Variants in CC2D2B observed in about 807,000 individuals in gnomAD.
The protein encoded by CC2D2B is protein CC2D2B.
Under a neutral mutation model 161.2 loss-of-function variants are expected in CC2D2B, and 128 were observed. The observed-to-expected ratio is 0.79, with a 90% CI of 0.69 to 0.92. The LOEUF is 0.92. CC2D2B is among the 40% of genes least tolerant of loss of function. CC2D2B has a pLI of 0.00. For missense variants in CC2D2B, 1,173 were observed against 1,375.1 expected, an observed-to-expected ratio of 0.85 and a Z score of 2.32; for synonymous variants, 391 against 449.8, an observed-to-expected ratio of 0.87 and a Z score of 1.65.
chr10:95,996,212 T>G lies in CC2D2B; in HGVS notation c.2809T>G (p.Ser937Ala), dbSNP rs2078224544. ...ATACAAAACCAATACAGCAAGTGGA[T>G]CTCATCCATGCTGGAATGAAGAAAT... ...TVYKTNTASG[S>A]HPCWNEEIKV... Residue 937 changes from serine to alanine, a missense_variant, in exon 24 of 35, where the codon TCT becomes GCT. Transcript: ENST00000646931. 1.3e-6 allele frequency: 2 copies of G among 1,516,542 alleles called. No homozygotes were observed. The highest frequency in any genetic ancestry group is 2.7e-5 in the African/African-American group (2 of 72,772). 93.9% of individuals were successfully genotyped at this position (1,516,542 alleles called of 1,614,324 possible).
At chr10:96,005,144 A>G (rs1335147687) in intron 25 of CC2D2B, among the ~76,000 whole-genome samples, 1 of 152,210 alleles carries the variant, frequency 6.6e-6, no homozygotes, top group African/African-American at 2.4e-5. Flanking sequence ...TAGTGTTTTG[A>G]TGATCGAAAT....
intron 26 of CC2D2B, among the ~76,000 whole-genome samples, chr10:96,011,325 G>T (rs946222913): frequency 2.0e-5 from 3 of 152,196 alleles, no homozygotes; most frequent in Non-Finnish European, 4.4e-5. Context: ...TACAGTGGTA[G>T]GTAAGAGTGT....
chr10:95,972,966 GT>G (rs1364479500), intron 16 of CC2D2B, among the ~76,000 whole-genome samples: 1 of 152,136 alleles, frequency 6.6e-6, no homozygotes, highest in African/African-American at 2.4e-5. Context: ...TCTGTTAGTT[GT>G]TTTTCAATTG....
intron 34 of CC2D2B, among the ~76,000 whole-genome samples, chr10:96,029,286 GTATATATAT>G (rs2079951101): frequency 4.2e-5 from 3 of 70,640 alleles, no homozygotes; most frequent in African/African-American, 8.5e-5. Flanking sequence ...ATATATATAT[GTATATATAT>G]ATATATATAT....
chr10:95,951,977 A>G (rs901466601), intron 10 of CC2D2B, among the ~76,000 whole-genome samples: 3 of 152,166 alleles, frequency 2.0e-5, no homozygotes, highest in African/African-American at 7.2e-5. Flanking sequence ...TGTGCTTGGA[A>G]GTGTGCATAA....
intron 25 of CC2D2B, among the ~76,000 whole-genome samples, chr10:96,006,641 A>G (rs1369856214): frequency 4.6e-5 from 7 of 152,156 alleles, no homozygotes; most frequent in Admixed American, 1.3e-4. Flanking sequence ...TGGACAAGCT[A>G]TGTTGCTCAC....
At chr10:96,006,372 A>G (rs116450048) in intron 25 of CC2D2B, among the ~76,000 whole-genome samples, 3,917 of 149,366 alleles carry the variant, frequency 0.026, 170 homozygotes, top group African/African-American at 0.088. Flanking sequence ...ATATATATAC[A>G]TAACATTTCT....
chr10:95,926,144 C>T (rs1454228540), intron 5 of CC2D2B, among the ~76,000 whole-genome samples: 5 of 151,996 alleles, frequency 3.3e-5, no homozygotes, highest in Admixed American at 3.3e-4. Context: ...TCACTCAACA[C>T]ATGAATTAAA....
At chr10:95,961,797 G>A (rs1590620252) in intron 11 of CC2D2B, 32 bp from the exon 12 acceptor site, 1 of 1,225,216 alleles carries the variant, frequency 8.2e-7, no homozygotes, top group Non-Finnish European at 1.0e-6. Flanking sequence ...CTAATCCACT[G>A]ACAAATTTTT....
In CC2D2B at chr10:95,995,253, ATT is replaced by A. The variant is rs756046936; in HGVS notation, c.2643-15_2643-14del. ...AACTAATTAAGGTGTATGTCTCTCT[ATT>A]GTTTTTCCTGAAGATCCTTGGATAT... On this transcript the variant is annotated splice_polypyrimidine_tract_variant and intron_variant, in intron 22 of 34. Coordinates refer to ENST00000646931, the MANE Select transcript of CC2D2B (RefSeq NM_001349008.3). The A allele has an allele frequency of 5.5e-6, 8 of 1,442,876 alleles. No individual in the cohort carries two copies. Among genetic ancestry groups the A allele is most frequent in the Non-Finnish European group, 7.5e-6 (8 of 1,073,282 alleles). The allele number at this position is 1,442,876 out of a possible 1,614,324, so 89.4% of individuals were successfully genotyped here.
chr10:96,016,530 G>C (rs1180484822), intron 30 of CC2D2B, among the ~76,000 whole-genome samples: 7 of 152,068 alleles, frequency 4.6e-5, no homozygotes, highest in Non-Finnish European at 1.0e-4. Flanking sequence ...CTGTAAAAGA[G>C]TACTAAAAAT....
intron 26 of CC2D2B, among the ~76,000 whole-genome samples, chr10:96,011,663 C>T (rs117048108): frequency 0.019 from 2,947 of 152,048 alleles, 52 homozygotes; most frequent in Non-Finnish European, 0.026. Flanking sequence ...CCTCCCACCT[C>T]ATCCTCCTAA....
chr10:95,962,315 A>T (rs774997324), intron 12 of CC2D2B, among the ~76,000 whole-genome samples: 2 of 152,128 alleles, frequency 1.3e-5, no homozygotes, highest in African/African-American at 2.4e-5. Flanking sequence ...GAGAAATGCA[A>T]ATTAAAACCA....
intron 22 of CC2D2B, among the ~76,000 whole-genome samples, chr10:95,994,933 G>A (rs778175838): frequency 1.3e-5 from 2 of 151,742 alleles, no homozygotes; most frequent in African/African-American, 4.8e-5. Flanking sequence ...CTCTTGCCTC[G>A]GCACCTGGGT....
At chr10:95,975,200 G>T (rs1214822605) in intron 17 of CC2D2B, among the ~76,000 whole-genome samples, 1 of 152,154 alleles carries the variant, frequency 6.6e-6, no homozygotes, top group East Asian at 1.9e-4. Context: ...TTTGAAAATT[G>T]TTATACATAA....
At position 95,970,826 on chromosome 10, in the gene CC2D2B, G is replaced by A. The variant is rs139483763; in HGVS notation, c.1645-1240G>A. ...TACAACTCCTACAAACCTTTCTGCA[G>A]TAGGGATGCCTTTGTCAAAGGGACC... On this transcript the variant is annotated intron_variant, in intron 15 of 34. Transcript: ENST00000646931. 1.1e-4 allele frequency among the ~76,000 whole-genome samples: 16 copies of A among 152,334 alleles called. No homozygotes were observed. In the East Asian group the frequency reaches 2.3e-3, roughly 22 times the overall value.
chr10:96,003,000 C>A (rs1002763924), intron 24 of CC2D2B, among the ~76,000 whole-genome samples: 3 of 139,156 alleles, frequency 2.2e-5, no homozygotes, highest in African/African-American at 8.4e-5. Context: ...GAAAGATAGA[C>A]CCTGTCTCAA....
At chr10:96,011,091 G>A (rs1168775311) in intron 26 of CC2D2B, among the ~76,000 whole-genome samples, 2 of 152,180 alleles carry the variant, frequency 1.3e-5, no homozygotes, top group African/African-American at 4.8e-5. Context: ...CCTACTACCT[G>A]GCTGTCATGT....
chr10:95,963,892 G>A (rs776887010), intron 12 of CC2D2B, among the ~76,000 whole-genome samples: 2 of 152,110 alleles, frequency 1.3e-5, no homozygotes, highest in African/African-American at 2.4e-5. Flanking sequence ...TCGTTCAGGT[G>A]GCAAACTCTC....
Sources: allele counts gnomAD v4.1 joint callset (sites outside exome capture counted in the v4.1 genomes callset), GRCh38; gene constraint gnomAD v4.1.1; transcripts MANE v1.5; gene names NCBI Gene and HGNC (gene_info 2026-07-23, HGNC 2026-07-21).